Variants in WDR7 observed in about 807,000 individuals in gnomAD.
WDR7 encodes WD repeat domain 7.
A neutral mutation model predicts 169.4 loss-of-function variants in WDR7; 46 were observed. The ratio of observed to expected loss-of-function variants is 0.27; its 90% CI spans 0.21 to 0.35. The LOEUF (loss-of-function observed/expected upper bound fraction) is 0.35, where lower values mean the gene tolerates loss of function less well. Ranked by LOEUF, WDR7 falls within the 10% of genes least tolerant of loss-of-function variation. WDR7 has a pLI of 1.00. For synonymous variants in WDR7, 612 were observed against 666.8 expected (o/e 0.92, Z 1.27); for missense variants, 1,534 against 1,859.3 (o/e 0.83, Z 3.22).
intron 23 of WDR7, among the ~76,000 whole-genome samples, chr18:56,937,383 AAAAT>A (rs1420054761): frequency 1.3e-4 from 19 of 148,304 alleles, no homozygotes; most frequent in African/African-American, 2.9e-4. Context: ...TATATAATAA[AAAAT>A]AAATAAATAA....
intron 19 of WDR7, among the ~76,000 whole-genome samples, chr18:56,812,566 G>A (rs776548137): frequency 7.9e-5 from 12 of 152,190 alleles, no homozygotes; most frequent in Non-Finnish European, 1.3e-4. Context: ...AGCGAAGCTG[G>A]TGGTGGGGCT....
At chr18:56,845,136 G>A (rs543696729) in intron 20 of WDR7, among the ~76,000 whole-genome samples, 133 of 152,166 alleles carry the variant, frequency 8.7e-4, no homozygotes, top group African/African-American at 3.0e-3. Context: ...TAGATACAAT[G>A]ATTTGGTTGG....
chr18:56,690,956 G>A (rs2025553889), intron 7 of WDR7, among the ~76,000 whole-genome samples: 1 of 152,096 alleles, frequency 6.6e-6, no homozygotes, highest in Admixed American at 6.5e-5. Flanking sequence ...AACTGTTCCT[G>A]TAGTGGGGAG....
chr18:56,807,213 T>C (rs529682373), intron 19 of WDR7, among the ~76,000 whole-genome samples: 8 of 152,156 alleles, frequency 5.3e-5, no homozygotes, highest in African/African-American at 1.7e-4. Flanking sequence ...AAGAACATAC[T>C]TTAAGCACAG....
At chr18:56,852,780 A>G (rs2045661043) in intron 20 of WDR7, among the ~76,000 whole-genome samples, 1 of 152,170 alleles carries the variant, frequency 6.6e-6, no homozygotes, top group African/African-American at 2.4e-5. Flanking sequence ...AGATTGCTGA[A>G]TATCTGTGGA....
chr18:56,715,688 G>A (rs965381016), intron 12 of WDR7, among the ~76,000 whole-genome samples: 2 of 152,082 alleles, frequency 1.3e-5, no homozygotes, highest in African/African-American at 4.8e-5. Context: ...TAAAACAGTA[G>A]TGTTGGGTGT....
At chr18:56,881,607 G>T (rs759318285) in intron 21 of WDR7, among the ~76,000 whole-genome samples, 1 of 152,098 alleles carries the variant, frequency 6.6e-6, no homozygotes, top group South Asian at 2.1e-4. Context: ...ACAATTTATT[G>T]ATTTATTTTA....
chr18:56,740,724 T>C (rs2043607033), intron 14 of WDR7, among the ~76,000 whole-genome samples: 2 of 152,176 alleles, frequency 1.3e-5, no homozygotes, highest in Non-Finnish European at 2.9e-5. Context: ...TGTTGAGTCC[T>C]GAATCCTACT....
intron 20 of WDR7, among the ~76,000 whole-genome samples, chr18:56,876,218 A>G (rs1372412159): frequency 6.6e-6 from 1 of 152,178 alleles, no homozygotes; most frequent in Non-Finnish European, 1.5e-5. Context: ...CTCGGTTGGC[A>G]TACCGAGCTT....
At chr18:56,704,291 A>C (rs2851988) in intron 12 of WDR7, among the ~76,000 whole-genome samples, 139,441 of 152,100 alleles carry the variant, frequency 0.92, 65,126 homozygotes, top group East Asian at 1. Flanking sequence ...AATTTCAACA[A>C]TTTGAGAGGT....
intron 14 of WDR7, among the ~76,000 whole-genome samples, chr18:56,747,891 TA>T (rs1367570402): frequency 2.0e-5 from 3 of 152,092 alleles, no homozygotes; most frequent in African/African-American, 7.2e-5. Flanking sequence ...CAAGGTTGAT[TA>T]GGGCAGTTTT....
intron 16 of WDR7, among the ~76,000 whole-genome samples, chr18:56,768,249 G>A (rs1037986466): frequency 6.6e-6 from 1 of 151,942 alleles, no homozygotes; most frequent in African/African-American, 2.4e-5. Context: ...TTTGAAAATT[G>A]GGTCTTTTTA....
chr18:56,976,710 G>A (rs748606323), intron 26 of WDR7, among the ~76,000 whole-genome samples: 8 of 152,128 alleles, frequency 5.3e-5, no homozygotes, highest in Non-Finnish European at 1.0e-4. Context: ...AAATACACCC[G>A]TTAAGAAAAC....
chr18:56,684,095 A>T (rs886285377), intron 5 of WDR7, among the ~76,000 whole-genome samples: 2 of 152,110 alleles, frequency 1.3e-5, no homozygotes, highest in African/African-American at 4.8e-5. Flanking sequence ...GAAGATGAGA[A>T]AGAGTTTAGC....
chr18:56,693,917 T>C (rs2025636984), intron 9 of WDR7, among the ~76,000 whole-genome samples: 1 of 152,098 alleles, frequency 6.6e-6, no homozygotes, highest in Admixed American at 6.5e-5. Context: ...TCATCCAGGC[T>C]GGAGTGCAGT....
intron 16 of WDR7, 128 bp downstream of exon 16, chr18:56,759,081 C>A: frequency 1.3e-5 from 8 of 621,842 alleles, no homozygotes; most frequent in South Asian, 3.4e-5. Flanking sequence ...TTGTTATATT[C>A]CAGATGTAAA....
chr18:56,955,479 AG>A (rs2047238281), intron 25 of WDR7, among the ~76,000 whole-genome samples: 1 of 152,176 alleles, frequency 6.6e-6, no homozygotes, highest in Admixed American at 6.6e-5. Flanking sequence ...AATTATTATC[AG>A]GTTTATACTT....
chr18:56,794,311 T>TTTTTTTTTTTTTA, intron 19 of WDR7, among the ~76,000 whole-genome samples: 1 of 97,862 alleles, frequency 1.0e-5, no homozygotes, highest in Non-Finnish European at 2.1e-5. Context: ...TCTATTTTTT[T>TTTTTTTTTTTTTA]TTTTTTTTTT....
chr18:56,710,034 C>A (rs922285705), intron 12 of WDR7, among the ~76,000 whole-genome samples: 1 of 134,602 alleles, frequency 7.4e-6, no homozygotes, highest in African/African-American at 2.9e-5. Flanking sequence ...GATGGAGTCT[C>A]GCTCTGTCAC....
Sources: gnomAD v4.1 joint callset for allele counts (sites outside exome capture counted in the v4.1 genomes callset) on GRCh38, gnomAD v4.1.1 for gene constraint, MANE v1.5 for transcripts, NCBI Gene and HGNC (gene_info 2026-07-23, HGNC 2026-07-21) for gene names.